IMMP2L: variants seen among roughly 807,000 people sequenced by gnomAD.
IMMP2L encodes inner mitochondrial membrane peptidase subunit 2.
A neutral mutation model predicts 19.3 loss-of-function variants in IMMP2L; 18 were observed. The ratio of observed to expected loss-of-function variants is 0.93; its 90% CI spans 0.64 to 1.38. The LOEUF (loss-of-function observed/expected upper bound fraction) is 1.38, where lower values mean the gene tolerates loss of function less well. Among genes scored for constraint, IMMP2L ranks in the 40% most tolerant of loss-of-function variants. The pLI is 0.00. For missense variants in IMMP2L, 233 were observed against 218.2 expected, an observed-to-expected ratio of 1.07 and a Z score of -0.43; for synonymous variants, 76 against 73.0, an observed-to-expected ratio of 1.04 and a Z score of -0.21.
chr7:111,061,708 T>C (rs558562703), intron 3 of IMMP2L, among the ~76,000 whole-genome samples: 9 of 152,302 alleles, frequency 5.9e-5, no homozygotes, highest in African/African-American at 1.9e-4. Context: ...CTTTGCACTG[T>C]TCCCACCCAG....
intron 5 of IMMP2L, among the ~76,000 whole-genome samples, chr7:110,843,868 T>C (rs1053929812): frequency 2.0e-5 from 3 of 151,960 alleles, no homozygotes; most frequent in Non-Finnish European, 2.9e-5. Flanking sequence ...TGTGTCGGCA[T>C]GGGAGGCAGA....
At chr7:111,181,638 C>G (rs1376210055) in intron 3 of IMMP2L, among the ~76,000 whole-genome samples, 3 of 151,978 alleles carry the variant, frequency 2.0e-5, no homozygotes, top group Non-Finnish European at 4.4e-5. Flanking sequence ...AAAACTTGAA[C>G]TTTCCAATTT....
chr7:111,306,644 G>GTA (rs1288937522), intron 3 of IMMP2L, among the ~76,000 whole-genome samples: 3 of 142,606 alleles, frequency 2.1e-5, no homozygotes, highest in African/African-American at 7.9e-5. Flanking sequence ...GTGTGTGTGT[G>GTA]TGTGTGTGTG....
At chr7:111,111,945 T>TGTTTG (rs1191870952) in intron 3 of IMMP2L, among the ~76,000 whole-genome samples, 1 of 123,308 alleles carries the variant, frequency 8.1e-6, no homozygotes, top group South Asian at 2.8e-4. Context: ...ATAGTTTGTT[T>TGTTTG]TTTTTTTTTT....
intron 3 of IMMP2L, among the ~76,000 whole-genome samples, chr7:111,378,471 ACTAAAT>A (rs1470096379): frequency 3.9e-5 from 6 of 151,992 alleles, no homozygotes; most frequent in African/African-American, 1.4e-4. Flanking sequence ...ATTAGTACTT[ACTAAAT>A]CTTATTATCT....
chr7:111,238,325 C>T (rs1313400428), intron 3 of IMMP2L, among the ~76,000 whole-genome samples: 1 of 152,024 alleles, frequency 6.6e-6, no homozygotes, highest in Non-Finnish European at 1.5e-5. Flanking sequence ...TAAATCTCGG[C>T]TCCACCAGTT....
At chr7:111,050,854 T>G (rs1457918965) in intron 3 of IMMP2L, among the ~76,000 whole-genome samples, 2 of 152,192 alleles carry the variant, frequency 1.3e-5, no homozygotes, top group Non-Finnish European at 2.9e-5. Flanking sequence ...ACTGGGTCAG[T>G]TGAAAGCACA....
intron 3 of IMMP2L, among the ~76,000 whole-genome samples, chr7:111,445,209 C>T (rs1175711494): frequency 6.6e-6 from 1 of 152,004 alleles, no homozygotes; most frequent in Non-Finnish European, 1.5e-5. Context: ...TTACACATCC[C>T]CAAGAACACT....
chr7:111,031,392 G>GTA (rs1386479410), intron 3 of IMMP2L, among the ~76,000 whole-genome samples: 4 of 73,596 alleles, frequency 5.4e-5, no homozygotes, highest in Non-Finnish European at 1.2e-4. Flanking sequence ...GTGTGTGTGT[G>GTA]TGTGTGTGTG....
chr7:111,323,134 T>G (rs1187576651), intron 3 of IMMP2L, among the ~76,000 whole-genome samples: 1 of 151,566 alleles, frequency 6.6e-6, no homozygotes, highest in Non-Finnish European at 1.5e-5. Context: ...AGGAAATTAA[T>G]AAAAATAAAA....
At chr7:110,871,903 G>A (rs1275254779) in intron 5 of IMMP2L, among the ~76,000 whole-genome samples, 4 of 152,026 alleles carry the variant, frequency 2.6e-5, no homozygotes, top group Non-Finnish European at 4.4e-5. Flanking sequence ...TCCTGATTGA[G>A]GAGGCATAGT....
intron 5 of IMMP2L, among the ~76,000 whole-genome samples, chr7:110,762,352 A>C (rs887139754): frequency 1.3e-5 from 2 of 152,084 alleles, no homozygotes; most frequent in Non-Finnish European, 2.9e-5. Flanking sequence ...GTCCACAAAA[A>C]CTATAAATCC....
rs115922998 is a variant in IMMP2L, at chr7:111,232,374, T to C, written c.239+254864A>G. Among the ~76,000 whole-genome samples the C allele has an allele frequency of 1.0e-2, 1,295 of 129,798 alleles. 21 individuals are homozygous for C. Among genetic ancestry groups the C allele is most frequent in the African/African-American group, 0.036 (1,221 of 34,226 alleles). 85.2% of individuals were successfully genotyped at this position (129,798 alleles called of 152,430 possible). A position where few individuals can be genotyped will look rare whatever the true frequency, so the allele number is the denominator to read the frequency against. On this transcript the variant is annotated intron_variant, in intron 3 of 5. Coordinates refer to ENST00000405709, the MANE Select transcript of IMMP2L (RefSeq NM_032549.4). ...CACTATATTGATTCATTTTGGAGGG[T>C]TTTTTTTTTTTTTTTAAGAAAAACA... is the stretch of plus-strand genomic sequence containing the variant.
chr7:111,123,805 G>T lies in IMMP2L; in HGVS notation c.240-160240C>A. On this transcript the variant is annotated intron_variant, in intron 3 of 5. Coordinates refer to ENST00000405709, the MANE Select transcript of IMMP2L (RefSeq NM_032549.4). This position sits in a 1 kb window ranked among gnomAD's most constrained non-coding sequence, Gnocchi z 6.4. Reference sequence around the variant, plus strand: ...GGAATCACTCATGCTGAACAGCAATGCTCTCAGTGCCCTGTACCATGGTAC... The same window carrying T: ...GGAATCACTCATGCTGAACAGCAATTCTCTCAGTGCCCTGTACCATGGTAC... The T allele has an allele frequency of 6.2e-7, 1 of 1,613,980 alleles. No homozygotes were observed. The highest frequency in any genetic ancestry group is 1.1e-5 in the South Asian group (1 of 91,070).
At chr7:111,000,522 C>T (rs1054071675) in intron 3 of IMMP2L, among the ~76,000 whole-genome samples, 1 of 152,080 alleles carries the variant, frequency 6.6e-6, no homozygotes, top group Non-Finnish European at 1.5e-5. Context: ...GCATTTATAA[C>T]TTATTTTTCA....
intron 3 of IMMP2L, among the ~76,000 whole-genome samples, chr7:111,454,323 A>G (rs1224223524): frequency 6.6e-6 from 1 of 152,138 alleles, no homozygotes; most frequent in Non-Finnish European, 1.5e-5. Flanking sequence ...ATTCTCAGTC[A>G]AAATTCATGG....
intron 1 of IMMP2L, among the ~76,000 whole-genome samples, chr7:111,550,263 G>C (rs912119088): frequency 1.4e-4 from 21 of 152,084 alleles, no homozygotes; most frequent in Non-Finnish European, 1.5e-5. Flanking sequence ...AAAAACATTG[G>C]AGACAGTGAA....
intron 1 of IMMP2L, among the ~76,000 whole-genome samples, chr7:111,556,610 C>T (rs192109781): frequency 3.4e-5 from 2 of 59,234 alleles, no homozygotes; most frequent in East Asian, 5.8e-3. Context: ...TTCTAACAGT[C>T]ATTGATGATT....
chr7:111,093,569 A>C (rs1451251912), intron 3 of IMMP2L, among the ~76,000 whole-genome samples: 1 of 152,172 alleles, frequency 6.6e-6, no homozygotes, highest in African/African-American at 2.4e-5. Context: ...CTTATTTTAA[A>C]ATTGCAATAG....
Sources: gnomAD v4.1 joint callset for allele counts (sites outside exome capture counted in the v4.1 genomes callset) on GRCh38, gnomAD v4.1.1 for gene constraint, Gnocchi (gnomAD v3.1) non-coding constraint, MANE v1.5 for transcripts, NCBI Gene and HGNC (gene_info 2026-07-23, HGNC 2026-07-21) for gene names.